Variants in SRCIN1 observed in about 807,000 individuals in gnomAD.
SRCIN1 encodes the protein SRC kinase signaling inhibitor 1, also known as P130Cas-associated protein.
Under a neutral mutation model 116.2 loss-of-function variants are expected in SRCIN1, and 50 were observed. That is an observed-to-expected ratio of 0.43 (90% CI 0.34 to 0.54). The LOEUF (loss-of-function observed/expected upper bound fraction) is 0.54, where lower values mean the gene tolerates loss of function less well. Among genes scored for constraint, SRCIN1 ranks in the 20% least tolerant of loss-of-function variants. The probability of loss-of-function intolerance (pLI) is 0.02; values close to 1 mark genes in which losing one functional copy is unlikely to be tolerated. For missense variants in SRCIN1, 1,446 were observed against 1,672.0 expected, an observed-to-expected ratio of 0.86 and a Z score of 2.36; for synonymous variants, 736 against 750.0, an observed-to-expected ratio of 0.98 and a Z score of 0.30.
Position 38,604,357 on chromosome 17 carries a change from C to G in SRCIN1, c.22+1327G>C. 3.2e-6 allele frequency: 1 copy of G among 314,764 alleles called. No individual in the cohort carries two copies. Among genetic ancestry groups the G allele is most frequent in the South Asian group, 2.3e-5 (1 of 43,366 alleles). 19.5% of individuals were successfully genotyped at this position (314,764 alleles called of 1,614,324 possible). ...AAGGCTGCTGCCAGAAACCCCCACC[C>G]CCAGCTCGGGGAGCCCACTTTCCTT... On this transcript the variant is annotated intron_variant, in intron 1 of 18. Coordinates refer to ENST00000617146, the MANE Select transcript of SRCIN1 (RefSeq NM_025248.3). The surrounding 1 kb of genome is among the most constrained non-coding windows in gnomAD (Gnocchi z 4.3).
chr17:38,547,318 G>A (rs1196856888), intron 17 of SRCIN1, among the ~76,000 whole-genome samples: 1 of 152,178 alleles, frequency 6.6e-6, no homozygotes, highest in East Asian at 1.9e-4. Flanking sequence ...CGAAGATGGA[G>A]GTGGGGGCTA....
rs140957490 is a variant in SRCIN1, at chr17:38,582,289, G to A, written c.23-3498C>T. Among the ~76,000 whole-genome samples the A allele has an allele frequency of 2.4e-3, 366 of 152,278 alleles. 2 individuals carry two copies. The highest frequency in any genetic ancestry group is 8.4e-3 in the African/African-American group (348 of 41,550). On this transcript the variant is annotated intron_variant, in intron 1 of 18. Coordinates refer to ENST00000617146, the MANE Select transcript of SRCIN1 (RefSeq NM_025248.3). ...CAGTGTGTCTGGGGTGGAGCAAACA[G>A]TGTACCAGCCTGAGATGAGTGGTGA...
intron 1 of SRCIN1, among the ~76,000 whole-genome samples, chr17:38,583,437 C>T (rs1252037561): frequency 6.6e-6 from 1 of 152,162 alleles, no homozygotes; most frequent in African/African-American, 2.4e-5. Flanking sequence ...GCCTAAGAAC[C>T]TAATTTGTAA....
chr17:38,564,914 C>G (rs1225759651), intron 3 of SRCIN1, among the ~76,000 whole-genome samples: 2 of 152,176 alleles, frequency 1.3e-5, no homozygotes, highest in Non-Finnish European at 2.9e-5. Context: ...TCAAAGCCAG[C>G]TGGACCCGGA....
intron 15 of SRCIN1, 41 bp from the exon 16 acceptor site, chr17:38,549,251 C>T: frequency 6.7e-7 from 1 of 1,486,572 alleles, no homozygotes; most frequent in Non-Finnish European, 8.9e-7. Context: ...GGCCTGCAAC[C>T]TTGGAGTCAG....
At chr17:38,549,278 T>A in intron 15 of SRCIN1, 68 bp from the exon 16 acceptor site, 1 of 1,411,020 alleles carries the variant, frequency 7.1e-7, no homozygotes, top group Non-Finnish European at 9.3e-7. Context: ...ACATCTAACT[T>A]GAAGGGGATA....
chr17:38,578,151 G>A lies in SRCIN1; in HGVS notation c.324+339C>T, dbSNP rs543954646. ...CAGGCACAGAACAACAGTCCCCAAG[G>A]CTGTCCTCCTCTCCTTTCCTCCCAG... On this transcript the variant is annotated intron_variant, in intron 2 of 18. Coordinates refer to ENST00000617146, the MANE Select transcript of SRCIN1 (RefSeq NM_025248.3). Among the ~76,000 whole-genome samples, 13 of 152,298 alleles carry A rather than the reference G, an allele frequency of 8.5e-5. No homozygotes were observed. The South Asian group carries it at 2.7e-3, about 32-fold the overall frequency.
At chr17:38,584,407 C>T (rs1907997723) in intron 1 of SRCIN1, among the ~76,000 whole-genome samples, 2 of 152,308 alleles carry the variant, frequency 1.3e-5, no homozygotes, top group South Asian at 2.1e-4. Flanking sequence ...ATCCAGAATC[C>T]GAATGAGGGG....
chr17:38,592,708 A>C (rs1329828488), intron 1 of SRCIN1, among the ~76,000 whole-genome samples: 3 of 152,204 alleles, frequency 2.0e-5, no homozygotes, highest in Non-Finnish European at 4.4e-5. Flanking sequence ...GTAGTCATTC[A>C]ACAAACAATT....
intron 18 of SRCIN1, 55 bp from the exon 19 acceptor site, chr17:38,533,486 T>C: frequency 5.3e-6 from 8 of 1,509,658 alleles, no homozygotes; most frequent in Non-Finnish European, 7.2e-6. Flanking sequence ...GCCTCCATGC[T>C]GGCCCCCAGC....
rs1168679273 is a variant in SRCIN1 at position 38,559,577 on chromosome 17, G to C, written c.2025+8C>G. 1 of 1,597,832 alleles carries C rather than the reference G, an allele frequency of 6.3e-7. No individual in the cohort carries two copies. The highest frequency in any genetic ancestry group is 1.7e-5 in the Admixed American group (1 of 59,766). On this transcript the variant is annotated splice_region_variant and intron_variant, in intron 10 of 18. Coordinates refer to ENST00000617146, the MANE Select transcript of SRCIN1 (RefSeq NM_025248.3). Reference sequence around the variant, plus strand: ...GTTGGTGGGGCGGGGCCCAGGACGGGGCGGTACCTGGAGCTTGCGCAACTG... The same window carrying C: ...GTTGGTGGGGCGGGGCCCAGGACGGCGCGGTACCTGGAGCTTGCGCAACTG...
intron 1 of SRCIN1, among the ~76,000 whole-genome samples, chr17:38,598,035 A>G (rs916782476): frequency 6.6e-6 from 1 of 151,998 alleles, no homozygotes; most frequent in Non-Finnish European, 1.5e-5. Context: ...GAAGCCCCGC[A>G]CAAGCCCCTT....
rs1348417583 is a variant in SRCIN1, at chr17:38,558,479, G to C, written c.2026-77C>G. 1 of 1,492,654 alleles carries C rather than the reference G, an allele frequency of 6.7e-7. No individual in the cohort carries two copies. The highest frequency in any genetic ancestry group is 1.4e-5 in the African/African-American group (1 of 70,824). 92.5% of individuals were successfully genotyped at this position (1,492,654 alleles called of 1,614,324 possible). A position where few individuals can be genotyped will look rare whatever the true frequency, so the allele number is the denominator to read the frequency against. On this transcript the variant is annotated intron_variant, in intron 10 of 18. Transcript: ENST00000617146. The surrounding 1 kb of genome is among the most constrained non-coding windows in gnomAD (Gnocchi z 4.6). The stretch of plus-strand genomic sequence containing the variant: ...GCAGGGGAAGGGCCGGGAGAAGGCG[G>C]GTAGAGGACTGCCCAATCCAGGGCG...
At position 38,533,157 on chromosome 17, in the gene SRCIN1, A is replaced by T; in HGVS notation, c.*140T>A. The T allele has an allele frequency of 6.7e-6, 5 of 744,404 alleles. No homozygotes were observed. The highest frequency in any genetic ancestry group is 7.0e-6 in the Non-Finnish European group (4 of 569,552). 46.1% of individuals were successfully genotyped at this position (744,404 alleles called of 1,614,324 possible). On this transcript the variant is annotated 3_prime_UTR_variant, in exon 19 of 19. Coordinates refer to ENST00000617146, the MANE Select transcript of SRCIN1 (RefSeq NM_025248.3). ...AGATGATGGGTAGGGGTCGCTGAGG[A>T]GGGCCGCACCCTCCTCTTCAGGGCA... is the stretch of plus-strand genomic sequence containing the variant.
chr17:38,534,320 C>G (rs897239060), intron 18 of SRCIN1, among the ~76,000 whole-genome samples: 1 of 152,200 alleles, frequency 6.6e-6, no homozygotes, highest in South Asian at 2.1e-4. Flanking sequence ...TTCCTGGGCT[C>G]CCCTCCAGAA....
At chr17:38,547,243 C>T (rs1340185338) in intron 17 of SRCIN1, among the ~76,000 whole-genome samples, 1 of 152,172 alleles carries the variant, frequency 6.6e-6, no homozygotes, top group African/African-American at 2.4e-5. Context: ...TGTCCTGGCC[C>T]CCAGCGCAAG....
At chr17:38,605,636 C>T in intron 1 of SRCIN1, 48 bp downstream of exon 1, 1 of 1,382,066 alleles carries the variant, frequency 7.2e-7, no homozygotes, top group Non-Finnish European at 9.5e-7. Context: ...GAAATACCTT[C>T]CACTTAAGCA....
chr17:38,588,207 T>G (rs1347610280), intron 1 of SRCIN1, among the ~76,000 whole-genome samples: 1 of 152,208 alleles, frequency 6.6e-6, no homozygotes, highest in African/African-American at 2.4e-5. Context: ...CCACCCACTG[T>G]CAGAGTTGTA....
intron 10 of SRCIN1, chr17:38,559,159 T>G: frequency 5.0e-6 from 1 of 199,626 alleles, no homozygotes; most frequent in South Asian, 1.1e-4. Context: ...GGGGAGACTG[T>G]TGGGGCTCAG....
Sources: gnomAD v4.1 joint callset for allele counts (sites outside exome capture counted in the v4.1 genomes callset) on GRCh38, gnomAD v4.1.1 for gene constraint, Gnocchi (gnomAD v3.1) non-coding constraint, MANE v1.5 for transcripts, NCBI Gene and HGNC (gene_info 2026-07-23, HGNC 2026-07-21) for gene names.